KCNG2: variants seen among roughly 807,000 people sequenced by gnomAD.
KCNG2 encodes the protein potassium voltage-gated channel modifier subfamily G member 2, also known as voltage-gated potassium channel regulatory subunit KCNG2.
A neutral mutation model predicts 12.3 loss-of-function variants in KCNG2; 7 were observed. The ratio of observed to expected loss-of-function variants is 0.57; its 90% CI spans 0.32 to 1.07. The LOEUF is 1.07. KCNG2 is among the 50% of genes least tolerant of loss of function. The pLI, the probability that KCNG2 is intolerant of heterozygous loss-of-function variation, is 0.04. For synonymous variants in KCNG2, 414 were observed against 351.4 expected (o/e 1.18, Z -1.99); for missense variants, 703 against 726.0 (o/e 0.97, Z 0.36).
chr18:79,805,620 C>T (rs1239771), intron 1 of KCNG2, among the ~76,000 whole-genome samples: 28,301 of 151,962 alleles, frequency 0.19, 2,847 homozygotes, highest in Middle Eastern at 0.26. Flanking sequence ...TTCTCGCCTT[C>T]GGGTCTTCAT....
chr18:79,800,624 A>G lies in KCNG2; in HGVS notation c.-115+2610A>G, dbSNP rs2087401628. Among the ~76,000 whole-genome samples, 1 of 152,316 alleles carries G rather than the reference A, an allele frequency of 6.6e-6. No homozygotes were observed. The highest frequency in any genetic ancestry group is 6.5e-5 in the Admixed American group (1 of 15,312). On this transcript the variant is annotated intron_variant, in intron 1 of 3. Coordinates refer to ENST00000316249, the MANE Select transcript of KCNG2 (RefSeq NM_012283.2). The surrounding 1 kb of genome is among the most constrained non-coding windows in gnomAD (Gnocchi z 4.0). ...TCAGGGTCCTTGCTGGTGTCGGAGA[A>G]ACAGCACTGGCTCCTTCACAGCCGC... is the stretch of plus-strand genomic sequence containing the variant.
At chr18:79,846,429 GAAAAT>G (rs1208526136) in intron 1 of KCNG2, among the ~76,000 whole-genome samples, 1 of 112,656 alleles carries the variant, frequency 8.9e-6, no homozygotes, top group Non-Finnish European at 2.0e-5. Context: ...AAAAAAGAAA[GAAAAT>G]AAAAGTATTT....
At chr18:79,875,321 CCAA>C (rs1340662482) in intron 3 of KCNG2, among the ~76,000 whole-genome samples, 1 of 152,160 alleles carries the variant, frequency 6.6e-6, no homozygotes, top group African/African-American at 2.4e-5. Context: ...TCCTCTCAGT[CCAA>C]CACCACGGAG....
At position 79,828,819 on chromosome 18, in the gene KCNG2, C is replaced by T. The variant is rs187818643; in HGVS notation, c.-114-27560C>T. ...GTCTGTGTGTGGGTGTCTATGTGTG[C>T]GTGTGTGTAACATGTCCATGATGTG... On this transcript the variant is annotated intron_variant, in intron 1 of 3. Coordinates refer to ENST00000316249, the MANE Select transcript of KCNG2 (RefSeq NM_012283.2). Among the ~76,000 whole-genome samples the T allele has an allele frequency of 2.7e-3, 245 of 92,376 alleles. 2 individuals carry two copies. Among genetic ancestry groups the T allele is most frequent in the African/African-American group, 0.011 (228 of 21,510 alleles). 60.6% of individuals were successfully genotyped at this position (92,376 alleles called of 152,430 possible).
At position 79,854,726 on chromosome 18, in the gene KCNG2, C is replaced by T. The variant is rs144708711; in HGVS notation, c.-114-1653C>T. 5.6e-3 allele frequency among the ~76,000 whole-genome samples: 859 copies of T among 152,184 alleles called. 35 individuals carry two copies. The highest frequency in any genetic ancestry group is 0.045 in the Admixed American group (687 of 15,284). On this transcript the variant is annotated intron_variant, in intron 1 of 3. Coordinates refer to ENST00000316249, the MANE Select transcript of KCNG2 (RefSeq NM_012283.2). ...ATTTTTAGTAGAGACGAGGTTTCAC[C>T]GTGGTCTTGATCTCCTGACCACGTG...
intron 1 of KCNG2, among the ~76,000 whole-genome samples, chr18:79,833,085 C>G (rs1978305170): frequency 6.6e-6 from 1 of 152,142 alleles, no homozygotes; most frequent in Non-Finnish European, 1.5e-5. Context: ...GTTCCTCAAG[C>G]TCTATAATTA....
At chr18:79,798,916 C>A (rs1192267041) in intron 1 of KCNG2, among the ~76,000 whole-genome samples, 3 of 152,182 alleles carry the variant, frequency 2.0e-5, no homozygotes, top group African/African-American at 7.2e-5. Flanking sequence ...TCGGAGTGAC[C>A]GGTGGAGCCC....
At chr18:79,798,633 T>C (rs371225369) in intron 1 of KCNG2, among the ~76,000 whole-genome samples, 5 of 152,194 alleles carry the variant, frequency 3.3e-5, no homozygotes, top group East Asian at 3.9e-4. Context: ...GCGGCCCGAA[T>C]TGGGGGAGAG....
At position 79,800,198 on chromosome 18, in the gene KCNG2, TG is replaced by T. The variant is rs1277809537; in HGVS notation, c.-115+2189del. On this transcript the variant is annotated intron_variant, in intron 1 of 3. Transcript: ENST00000316249. The surrounding 1 kb of genome is among the most constrained non-coding windows in gnomAD (Gnocchi z 4.0). The stretch of plus-strand genomic sequence containing the variant: ...GGGCTGTGCCGACAGGCATGAGCTC[TG>T]GGGGCCGGGAGGGGTGGTAGGGCCT... Among the ~76,000 whole-genome samples, 4 of 150,594 alleles carry T rather than the reference TG, an allele frequency of 2.7e-5. No individual in the cohort carries two copies. Among genetic ancestry groups the T allele is most frequent in the African/African-American group, 9.8e-5 (4 of 40,760 alleles).
intron 1 of KCNG2, among the ~76,000 whole-genome samples, chr18:79,851,843 T>A (rs1978836017): frequency 6.6e-6 from 1 of 152,128 alleles, no homozygotes; most frequent in Admixed American, 6.6e-5. Flanking sequence ...TGAATATGAG[T>A]GTGTGTGCAC....
intron 1 of KCNG2, among the ~76,000 whole-genome samples, chr18:79,838,413 C>CT (rs753255677): frequency 0.024 from 3,479 of 142,252 alleles, 52 homozygotes; most frequent in African/African-American, 0.048. Context: ...CCAAACAAGT[C>CT]TTTTTTTTTT....
At chr18:79,860,438 A>C (rs771391988) in intron 2 of KCNG2, among the ~76,000 whole-genome samples, 2 of 152,226 alleles carry the variant, frequency 1.3e-5, no homozygotes, top group Non-Finnish European at 2.9e-5. Context: ...ATTTAGTCTT[A>C]AAATTTCTTC....
chr18:79,814,739 T>G (rs2122998675), intron 1 of KCNG2, among the ~76,000 whole-genome samples: 1 of 152,360 alleles, frequency 6.6e-6, no homozygotes, highest in African/African-American at 2.4e-5. Context: ...AACTGCATGT[T>G]AATCTATTAT....
At chr18:79,805,331 C>T (rs768434854) in intron 1 of KCNG2, among the ~76,000 whole-genome samples, 9 of 152,186 alleles carry the variant, frequency 5.9e-5, no homozygotes, top group Non-Finnish European at 8.8e-5. Context: ...AAAAGTGATA[C>T]ATGGTCATTA....
intron 3 of KCNG2, among the ~76,000 whole-genome samples, chr18:79,872,440 C>G (rs147998451): frequency 6.6e-6 from 1 of 152,008 alleles, no homozygotes; most frequent in Non-Finnish European, 1.5e-5. Context: ...TGCACCACCA[C>G]GCCCAGCTAA....
chr18:79,840,891 G>T (rs771238030), intron 1 of KCNG2, among the ~76,000 whole-genome samples: 2 of 152,084 alleles, frequency 1.3e-5, no homozygotes, highest in Non-Finnish European at 2.9e-5. Context: ...AAAAAAAAAT[G>T]AATCTTGACC....
At chr18:79,896,213 G>A (rs1009594998) in intron 3 of KCNG2, among the ~76,000 whole-genome samples, 1 of 152,116 alleles carries the variant, frequency 6.6e-6, no homozygotes, top group African/African-American at 2.4e-5. Context: ...TGATCCATCT[G>A]CCTTGGCCTC....
chr18:79,826,078 C>T (rs952490387), intron 1 of KCNG2, among the ~76,000 whole-genome samples: 5 of 152,380 alleles, frequency 3.3e-5, no homozygotes, highest in African/African-American at 9.6e-5. Flanking sequence ...CCCTGCCGGC[C>T]GCCCTGACCT....
In KCNG2 at chr18:79,803,047, A is replaced by G. The variant is rs1033479985; in HGVS notation, c.-115+5033A>G. On this transcript the variant is annotated intron_variant, in intron 1 of 3. Coordinates refer to ENST00000316249, the MANE Select transcript of KCNG2 (RefSeq NM_012283.2). This position sits in a 1 kb window ranked among gnomAD's most constrained non-coding sequence, Gnocchi z 4.5. ...ACAAAAATTAGCCGGGCATGGTGGC[A>G]GGCACCTGTAATTCCAGCTGCTTGG... Among the ~76,000 whole-genome samples the G allele has an allele frequency of 6.6e-6, 1 of 152,140 alleles. No homozygotes were observed. Among genetic ancestry groups the G allele is most frequent in the South Asian group, 2.1e-4 (1 of 4,820 alleles).
Sources: allele counts gnomAD v4.1 joint callset (sites outside exome capture counted in the v4.1 genomes callset), GRCh38; gene constraint gnomAD v4.1.1; non-coding constraint Gnocchi (gnomAD v3.1); transcripts MANE v1.5; gene names NCBI Gene and HGNC (gene_info 2026-07-23, HGNC 2026-07-21).